The following HARBI1 variants were observed in gnomAD, a reference collection of about 807,000 sequenced individuals.
The protein encoded by HARBI1 is putative nuclease HARBI1.
HARBI1 carries 15 observed loss-of-function variants against 25.3 expected under a neutral mutation model. That is an observed-to-expected ratio of 0.59 (90% CI 0.40 to 0.91). The LOEUF (loss-of-function observed/expected upper bound fraction) is 0.91. Ranked by LOEUF, HARBI1 falls within the 40% of genes least tolerant of loss-of-function variation. The pLI, the probability that HARBI1 is intolerant of heterozygous loss-of-function variation, is 0.00. For synonymous variants in HARBI1, 168 were observed against 160.5 expected (o/e 1.05, Z -0.35); for missense variants, 396 against 445.8 (o/e 0.89, Z 1.01).
At position 46,616,313 on chromosome 11, in the gene HARBI1, T is replaced by C; in HGVS notation, c.-76A>G. 1 of 1,518,702 alleles carries C rather than the reference T, an allele frequency of 6.6e-7. No homozygotes were observed. The highest frequency in any genetic ancestry group is 8.8e-7 in the Non-Finnish European group (1 of 1,142,174). 94.1% of individuals were successfully genotyped at this position (1,518,702 alleles called of 1,614,324 possible). ...ATGAAGATGTTGGTGCAAGAACGTA[T>C]TTTTAAGAAAGTATCAGAATCCAAC... On this transcript the variant is annotated 5_prime_UTR_variant, in exon 2 of 3. Transcript: ENST00000326737.
chr11:46,603,782 G>C lies in HARBI1; in HGVS notation c.798C>G (p.Thr266=). Residue 266 remains threonine, a synonymous_variant, in exon 3 of 3, where the codon ACC becomes ACG. Transcript: ENST00000326737. ...CCAGGCAGCGGAATCGGGAGCAGAG[G>C]GTTCGGAAAGTCTTCTCAATCACAC... The part of the protein sequence containing the change: ...THSVIEKTFR[T]LCSRFRCLDG... 1 of 1,614,164 alleles carries C rather than the reference G, an allele frequency of 6.2e-7. No homozygotes were observed. The highest frequency in any genetic ancestry group is 8.5e-7 in the Non-Finnish European group (1 of 1,180,038).
Position 46,604,271 on chromosome 11 carries a change from G to A in HARBI1, c.671-362C>T, listed in dbSNP as rs112793424. 2,773 of 970,958 alleles carry A rather than the reference G, an allele frequency of 2.9e-3. 59 individuals carry two copies. The African/African-American group carries it at 0.046, about 16-fold the overall frequency. The allele number at this position is 970,958 out of a possible 1,614,324, so 60.1% of individuals were successfully genotyped here. A position where few individuals can be genotyped will look rare whatever the true frequency, so the allele number is the denominator to read the frequency against. ...CGCCTGTAATGACAGCACTTTGGGA[G>A]GCTGAGGCGGGTGGATCACCAACTG... On this transcript the variant is annotated intron_variant, in intron 2 of 2. Coordinates refer to ENST00000326737, the MANE Select transcript of HARBI1 (RefSeq NM_173811.4).
chr11:46,615,811 CT>C lies in HARBI1; in HGVS notation c.426del (p.Val144Ter), dbSNP rs1222851117. ...KDEFYGLAGM[P>X]GVMGVVDCIH... ...ATACAGTCAACCACCCCCATCACCCCTGGCATCCCTGCCAACCCATAGAATT... is the reference window on the plus strand; with the variant it reads ...ATACAGTCAACCACCCCCATCACCCCGGCATCCCTGCCAACCCATAGAATT... On this transcript the variant is annotated frameshift_variant, in exon 2 of 3. Coordinates refer to ENST00000326737, the MANE Select transcript of HARBI1 (RefSeq NM_173811.4). LOFTEE classifies it high-confidence loss of function. 8 of 1,614,108 alleles carry C rather than the reference CT, an allele frequency of 5.0e-6. No individual in the cohort carries two copies. Among genetic ancestry groups the C allele is most frequent in the Non-Finnish European group, 6.8e-6 (8 of 1,180,048 alleles).
chr11:46,603,876 A>G lies in HARBI1; in HGVS notation c.704T>C (p.Met235Thr). ...AGTTTCAGGAATGTGAAGTGGGGTC[A>G]TGAGCCAGGTTCGAAGAAAGAAGGA... is the stretch of plus-strand genomic sequence containing the variant. Reference protein sequence around the residue: ...DSSFFLRTWLMTPLHIPETPA... With the variant: ...DSSFFLRTWLTTPLHIPETPA... The change falls in exon 3 of 3, where the codon ATG becomes ACG. Residue 235 changes from methionine to threonine, a missense_variant. Physicochemically the swap from Met to Thr is moderately conservative, Grantham distance 81. Coordinates refer to ENST00000326737, the MANE Select transcript of HARBI1 (RefSeq NM_173811.4). The G allele has an allele frequency of 6.2e-7, 1 of 1,613,528 alleles. No homozygotes were observed. Among genetic ancestry groups the G allele is most frequent in the Non-Finnish European group, 8.5e-7 (1 of 1,179,542 alleles).
At chr11:46,609,130 G>C (rs530617499) in intron 2 of HARBI1, among the ~76,000 whole-genome samples, 2 of 152,004 alleles carry the variant, frequency 1.3e-5, no homozygotes, top group South Asian at 4.2e-4. Flanking sequence ...CACCATCTTG[G>C]CCAGGCTGGT....
intron 1 of HARBI1, 43 bp downstream of exon 1, chr11:46,617,081 C>T: frequency 2.3e-6 from 2 of 854,378 alleles, no homozygotes; most frequent in Non-Finnish European, 2.8e-6. Context: ...ATGTCAAAGT[C>T]TGATTGCGCC....
chr11:46,608,878 G>C (rs532606856), intron 2 of HARBI1, among the ~76,000 whole-genome samples: 82 of 151,308 alleles, frequency 5.4e-4, no homozygotes, highest in African/African-American at 1.8e-3. Flanking sequence ...GCCTCCCAAA[G>C]TGCTGGGATT....
At chr11:46,610,156 A>C (rs1361260838) in intron 2 of HARBI1, among the ~76,000 whole-genome samples, 1 of 151,668 alleles carries the variant, frequency 6.6e-6, no homozygotes, top group Non-Finnish European at 1.5e-5. Context: ...CCCAGCCAAA[A>C]AATTTAAAAC....
chr11:46,604,298 G>A, intron 2 of HARBI1: 1 of 925,616 alleles, frequency 1.1e-6, no homozygotes, highest in African/African-American at 1.8e-5. Context: ...CACCAACTGA[G>A]GCCCGGAGTT....
intron 2 of HARBI1, among the ~76,000 whole-genome samples, chr11:46,612,730 G>GT (rs2045230295): frequency 6.6e-6 from 1 of 151,172 alleles, no homozygotes; most frequent in East Asian, 1.9e-4. Flanking sequence ...GAGTGCAATG[G>GT]TGCGATCTCG....
At chr11:46,617,547 C>T (rs200022679), upstream of HARBI1, 332 of 243,980 alleles carry the variant, frequency 1.4e-3, 33 homozygotes, top group Admixed American at 3.0e-3. Context: ...TTCACCCCCC[C>T]CCCCCGGCCA....
In HARBI1 at chr11:46,615,808, C is replaced by G. The variant is rs1479266579; in HGVS notation, c.430G>C (p.Val144Leu). 1 of 1,614,202 alleles carries G rather than the reference C, an allele frequency of 6.2e-7. No individual in the cohort carries two copies. Among genetic ancestry groups the G allele is most frequent in the Non-Finnish European group, 8.5e-7 (1 of 1,180,040 alleles). ...EFYGLAGMPGVMGVVDCIHVA... is the reference protein window; with the variant it reads ...EFYGLAGMPGLMGVVDCIHVA... ...TGGATACAGTCAACCACCCCCATCA[C>G]CCCTGGCATCCCTGCCAACCCATAG... Residue 144 changes from valine (V) to leucine (L), a missense_variant, in exon 2 of 3, where the codon GTG becomes CTG. Val to Leu is a conservative substitution (Grantham distance 32). Transcript: ENST00000326737.
intron 2 of HARBI1, among the ~76,000 whole-genome samples, chr11:46,606,362 G>C (rs1285782057): frequency 3.3e-5 from 5 of 150,806 alleles, no homozygotes; most frequent in African/African-American, 1.2e-4. Context: ...GCCCAGGCTG[G>C]AGTGCAGTGG....
intron 2 of HARBI1, among the ~76,000 whole-genome samples, chr11:46,605,548 ATT>A (rs2044906783): frequency 6.7e-6 from 1 of 149,210 alleles, no homozygotes; most frequent in South Asian, 2.1e-4. Flanking sequence ...AAATTTTCAA[ATT>A]TACTATTTAG....
intron 1 of HARBI1, 178 bp from the exon 2 acceptor site, chr11:46,616,559 A>T (rs2045492293): frequency 1.8e-6 from 2 of 1,088,476 alleles, no homozygotes; most frequent in Non-Finnish European, 2.2e-6. Context: ...CTCTGATTCA[A>T]GGATAATGGG....
At chr11:46,616,891 G>C in intron 1 of HARBI1, 3 of 970,268 alleles carry the variant, frequency 3.1e-6, no homozygotes, top group Non-Finnish European at 3.6e-6. Flanking sequence ...CAGCCTTATG[G>C]ACGTACACTG....
Position 46,611,887 on chromosome 11 carries a change from G to C in HARBI1, c.670+3681C>G, listed in dbSNP as rs533539472. Among the ~76,000 whole-genome samples the C allele has an allele frequency of 5.2e-4, 79 of 152,226 alleles. No individual in the cohort carries two copies. The South Asian group carries it at 0.016, about 30-fold the overall frequency. Reference sequence around the variant, plus strand: ...AATAAAATTTGAAAGCTCAAAATAGGCAAAAGGTGTGTTTAAGATAAAGGT... The same window carrying C: ...AATAAAATTTGAAAGCTCAAAATAGCCAAAAGGTGTGTTTAAGATAAAGGT... On this transcript the variant is annotated intron_variant, in intron 2 of 2. Coordinates refer to ENST00000326737, the MANE Select transcript of HARBI1 (RefSeq NM_173811.4).
intron 2 of HARBI1, among the ~76,000 whole-genome samples, chr11:46,609,944 C>T (rs949487128): frequency 9.2e-5 from 14 of 151,358 alleles, no homozygotes; most frequent in African/African-American, 3.4e-4. Context: ...CCTCCACCTC[C>T]CAGGTTCAAG....
At chr11:46,616,793 C>G (rs1021991378) in intron 1 of HARBI1, 8 of 880,088 alleles carry the variant, frequency 9.1e-6, no homozygotes, top group Non-Finnish European at 1.1e-5. Context: ...AGGACAGATG[C>G]TGGGGTGTTC....
Sources: gnomAD v4.1 joint callset for allele counts (sites outside exome capture counted in the v4.1 genomes callset) on GRCh38, gnomAD v4.1.1 for gene constraint, MANE v1.5 for transcripts, NCBI Gene and HGNC (gene_info 2026-07-23, HGNC 2026-07-21) for gene names.